The following MBD5 variants were observed in gnomAD, a reference collection of about 807,000 sequenced individuals.
MBD5 encodes the protein methyl-CpG binding domain protein 5, also known as methyl-CpG-binding domain protein 5.
In MBD5, 13 loss-of-function variants were observed where a neutral mutation model predicts 117.3. The ratio of observed to expected loss-of-function variants is 0.11; its 90% confidence interval spans 0.07 to 0.18. MBD5 has a LOEUF of 0.18. Among genes scored for constraint, MBD5 ranks in the 10% least tolerant of loss-of-function variants. The pLI, the probability that MBD5 is intolerant of heterozygous loss-of-function variation, is 1.00. For synonymous variants in MBD5, 727 were observed against 766.4 expected, an observed-to-expected ratio of 0.95 and a Z score of 0.85; for missense variants, 1,879 against 2,093.8, an observed-to-expected ratio of 0.90 and a Z score of 2.00.
intron 1 of MBD5, among the ~76,000 whole-genome samples, chr2:148,104,272 T>C (rs926454099): frequency 4.0e-4 from 61 of 152,158 alleles, no homozygotes; most frequent in African/African-American, 1.3e-3. Flanking sequence ...ACCTGATACT[T>C]GGTAGGTACT....
chr2:148,353,310 T>C (rs570834567), intron 4 of MBD5, among the ~76,000 whole-genome samples: 41 of 152,272 alleles, frequency 2.7e-4, no homozygotes, highest in African/African-American at 9.6e-4. Context: ...ATGTGTGTGT[T>C]TAAATCAGAT....
In MBD5 at chr2:148,469,912, C is replaced by A. The variant is rs112334672; in HGVS notation, c.1969C>A (p.Arg657=). The A allele has an allele frequency of 1.2e-6, 2 of 1,613,794 alleles. No homozygotes were observed. Among genetic ancestry groups the A allele is most frequent in the Non-Finnish European group, 1.7e-6 (2 of 1,179,916 alleles). ...KLMSQQKDAL[R]KRKQPPTTVL... ...GATGTCTCAGCAAAAAGACGCATTG[C>A]GGAAAAGAAAACAACCACCTACGAC... The change falls in exon 8 of 14, where the codon CGG becomes AGG. Residue 657 remains arginine, a synonymous_variant. Coordinates refer to ENST00000642680, the MANE Select transcript of MBD5 (RefSeq NM_001378120.1).
chr2:148,035,317 A>G (rs574970190), intron 1 of MBD5, among the ~76,000 whole-genome samples: 5 of 152,090 alleles, frequency 3.3e-5, no homozygotes, highest in African/African-American at 9.6e-5. Context: ...ATGAAATTAT[A>G]TTACTATTAA....
intron 1 of MBD5, among the ~76,000 whole-genome samples, chr2:148,138,194 C>T (rs1396415262): frequency 2.6e-5 from 4 of 152,172 alleles, no homozygotes; most frequent in Non-Finnish European, 5.9e-5. Context: ...GCAAAGGCCT[C>T]ATACACAGTG....
intron 1 of MBD5, among the ~76,000 whole-genome samples, chr2:148,165,392 T>C (rs1020218997): frequency 1.3e-5 from 2 of 152,052 alleles, no homozygotes; most frequent in African/African-American, 4.8e-5. Flanking sequence ...AAAGGACAAT[T>C]TCTCCAATTT....
At chr2:148,106,082 A>G (rs945038014) in intron 1 of MBD5, among the ~76,000 whole-genome samples, 21 of 147,434 alleles carry the variant, frequency 1.4e-4, no homozygotes, top group African/African-American at 4.7e-4. Flanking sequence ...TCATTTTGGA[A>G]ACATACTTAA....
intron 3 of MBD5, among the ~76,000 whole-genome samples, chr2:148,252,925 C>A (rs1264631209): frequency 6.6e-6 from 1 of 152,188 alleles, no homozygotes; most frequent in Non-Finnish European, 1.5e-5. Flanking sequence ...CCCACATCAT[C>A]ATGGCATTGT....
intron 3 of MBD5, among the ~76,000 whole-genome samples, chr2:148,274,251 C>CT (rs1464108466): frequency 2.6e-5 from 4 of 152,002 alleles, no homozygotes; most frequent in African/African-American, 9.7e-5. Flanking sequence ...AAATTATACT[C>CT]TAAGTTCTGG....
chr2:148,022,545 T>C (rs1253724442), intron 1 of MBD5, among the ~76,000 whole-genome samples: 2 of 152,150 alleles, frequency 1.3e-5, no homozygotes, highest in African/African-American at 4.8e-5. Flanking sequence ...GTAATCCCCA[T>C]TGAAAACTTT....
At chr2:148,497,265 AG>A (rs1326225139) in intron 11 of MBD5, among the ~76,000 whole-genome samples, 1 of 152,102 alleles carries the variant, frequency 6.6e-6, no homozygotes, top group Non-Finnish European at 1.5e-5. Context: ...CAAATGTACT[AG>A]GCACTATTCA....
chr2:148,042,604 T>C (rs1000585637), intron 1 of MBD5, among the ~76,000 whole-genome samples: 1 of 151,838 alleles, frequency 6.6e-6, no homozygotes, highest in Non-Finnish European at 1.5e-5. Flanking sequence ...CTACATTAAA[T>C]GAAGAGTAAA....
At chr2:148,385,851 A>G (rs1344180252) in intron 4 of MBD5, among the ~76,000 whole-genome samples, 1 of 151,422 alleles carries the variant, frequency 6.6e-6, no homozygotes, top group Admixed American at 6.6e-5. Flanking sequence ...TCAGCAATCT[A>G]TCGCAAGGAC....
chr2:148,253,787 G>A (rs182859528), intron 3 of MBD5, among the ~76,000 whole-genome samples: 1 of 152,238 alleles, frequency 6.6e-6, no homozygotes, highest in Non-Finnish European at 1.5e-5. Context: ...GCATTAGCAG[G>A]GTAATTATAC....
chr2:148,440,740 A>C (rs1174037186), intron 4 of MBD5, among the ~76,000 whole-genome samples: 2 of 152,250 alleles, frequency 1.3e-5, no homozygotes, highest in Non-Finnish European at 2.9e-5. Flanking sequence ...GGAGTTTGGC[A>C]AGTGCCGTAA....
chr2:148,238,605 G>A (rs912183704), intron 3 of MBD5, among the ~76,000 whole-genome samples: 4 of 152,156 alleles, frequency 2.6e-5, no homozygotes, highest in African/African-American at 9.7e-5. Flanking sequence ...AAATTGTGTA[G>A]CTTAAAATAA....
chr2:148,021,476 T>C lies in MBD5; in HGVS notation c.-1133T>C. Reference sequence around the variant, plus strand: ...TTGCTGCTGCTGTTGCTGCTGCTGCTGCTGTTGCTGCTGCTGCTGCTACTG... The same window carrying C: ...TTGCTGCTGCTGTTGCTGCTGCTGCCGCTGTTGCTGCTGCTGCTGCTACTG... On this transcript the variant is annotated 5_prime_UTR_variant, in exon 1 of 14. Coordinates refer to ENST00000642680, the MANE Select transcript of MBD5 (RefSeq NM_001378120.1). 1 of 578,264 alleles carries C rather than the reference T, an allele frequency of 1.7e-6. No individual in the cohort carries two copies. Among genetic ancestry groups the C allele is most frequent in the South Asian group, 1.5e-5 (1 of 66,406 alleles). The allele number at this position is 578,264 out of a possible 1,614,324, so 35.8% of individuals were successfully genotyped here. A position where few individuals can be genotyped will look rare whatever the true frequency, so the allele number is the denominator to read the frequency against.
At chr2:148,153,435 G>A (rs1328950496) in intron 1 of MBD5, among the ~76,000 whole-genome samples, 4 of 139,560 alleles carry the variant, frequency 2.9e-5, no homozygotes, top group Admixed American at 1.5e-4. Flanking sequence ...TGCTCTTCTC[G>A]AGGAGTATCT....
chr2:148,468,489 T>C lies in MBD5; in HGVS notation c.546T>C (p.Tyr182=). The change falls in exon 8 of 14, where the codon TAT becomes TAC. Residue 182 remains tyrosine, a synonymous_variant. Coordinates refer to ENST00000642680, the MANE Select transcript of MBD5 (RefSeq NM_001378120.1). ...CATCAAATGCCATGGGAAGGCTATA[T>C]GTACAAGAACTGCCTGGAAGCCAAC... ...IGSSNAMGRL[Y]VQELPGSQQQ... is the part of the protein sequence containing the mutation. 1 of 1,613,866 alleles carries C rather than the reference T, an allele frequency of 6.2e-7. No homozygotes were observed. The highest frequency in any genetic ancestry group is 8.5e-7 in the Non-Finnish European group (1 of 1,179,848).
At chr2:148,403,317 T>C (rs59857411) in intron 4 of MBD5, among the ~76,000 whole-genome samples, 1,686 of 152,126 alleles carry the variant, frequency 0.011, 18 homozygotes, top group African/African-American at 0.036. Context: ...ATAGCTGAGA[T>C]TACAGGCACG....
Sources: gnomAD v4.1 joint callset for allele counts (sites outside exome capture counted in the v4.1 genomes callset) on GRCh38, gnomAD v4.1.1 for gene constraint, MANE v1.5 for transcripts, NCBI Gene and HGNC (gene_info 2026-07-23, HGNC 2026-07-21) for gene names.